The following EPB41L4B variants were observed in gnomAD, a reference collection of about 807,000 sequenced individuals.
EPB41L4B encodes band 4.1-like protein 4B.
Under a neutral mutation model 112.5 loss-of-function variants are expected in EPB41L4B, and 30 were observed. The observed-to-expected ratio is 0.27, with a 90% CI of 0.20 to 0.36. The LOEUF is 0.36. EPB41L4B is among the 10% of genes least tolerant of loss of function. EPB41L4B has a pLI of 1.00. For synonymous variants in EPB41L4B, 408 were observed against 439.7 expected (o/e 0.93, Z 0.90); for missense variants, 1,024 against 1,133.3 (o/e 0.90, Z 1.38).
chr9:109,211,682 C>T (rs1564268488), intron 17 of EPB41L4B, among the ~76,000 whole-genome samples: 1 of 149,704 alleles, frequency 6.7e-6, no homozygotes, highest in Admixed American at 6.7e-5. Flanking sequence ...ATAATCACAT[C>T]ACTCTAGCTT....
In EPB41L4B at chr9:109,218,126, CTTTTTTTTTTT is replaced by C. The variant is rs10654240; in HGVS notation, c.1410-992_1410-982del. 4.7e-5 allele frequency among the ~76,000 whole-genome samples: 5 copies of C among 106,556 alleles called. No homozygotes were observed. The South Asian group carries it at 1.6e-3, about 34-fold the overall frequency. 69.9% of individuals were successfully genotyped at this position (106,556 alleles called of 152,430 possible). A position where few individuals can be genotyped will look rare whatever the true frequency, so the allele number is the denominator to read the frequency against. ...GAATATATCTCTAATACTAATAATTCTTTTTTTTTTTTTTTTTTTGGCAGTGTCTCACTCTG... is the reference window on the plus strand; with the variant it reads ...GAATATATCTCTAATACTAATAATTCTTTTTTTTGGCAGTGTCTCACTCTG... On this transcript the variant is annotated intron_variant, in intron 15 of 25. Transcript: ENST00000374566.
intron 15 of EPB41L4B, among the ~76,000 whole-genome samples, chr9:109,231,091 G>A (rs1401294684): frequency 6.6e-6 from 1 of 151,658 alleles, no homozygotes; most frequent in South Asian, 2.1e-4. Flanking sequence ...TCTGGGAGGT[G>A]GAGGTTGCAG....
At chr9:109,248,302 C>T (rs756530321) in intron 13 of EPB41L4B, among the ~76,000 whole-genome samples, 68 of 152,204 alleles carry the variant, frequency 4.5e-4, no homozygotes, top group Non-Finnish European at 8.5e-4. Context: ...AATAATCTGG[C>T]CACCACTTTG....
intron 2 of EPB41L4B, among the ~76,000 whole-genome samples, chr9:109,270,709 T>C (rs1835578544): frequency 6.6e-6 from 1 of 152,232 alleles, no homozygotes; most frequent in African/African-American, 2.4e-5. Context: ...CTTTCTTTAG[T>C]CTTCTCACCA....
chr9:109,256,097 A>T, intron 9 of EPB41L4B, 39 bp downstream of exon 9: 3 of 1,555,970 alleles, frequency 1.9e-6, no homozygotes, highest in Middle Eastern at 1.7e-4. Context: ...ACCACAAAAT[A>T]GGAAAAGACA....
rs147036056 is a variant in EPB41L4B at position 109,273,747 on chromosome 9, G to A, written c.412-5314C>T. 1.8e-3 allele frequency among the ~76,000 whole-genome samples: 279 copies of A among 152,214 alleles called. 4 individuals carry two copies. The highest frequency in any genetic ancestry group is 6.2e-3 in the African/African-American group (257 of 41,512). ...TGAACAGAACTAACCCCTAAGCACTGTCTATGGAAACTGCACTGAACCCAA... is the reference window on the plus strand; with the variant it reads ...TGAACAGAACTAACCCCTAAGCACTATCTATGGAAACTGCACTGAACCCAA... On this transcript the variant is annotated intron_variant, in intron 2 of 25. Coordinates refer to ENST00000374566, the MANE Select transcript of EPB41L4B (RefSeq NM_019114.5).
chr9:109,181,221 C>T (rs538281551), intron 24 of EPB41L4B, among the ~76,000 whole-genome samples: 5 of 152,028 alleles, frequency 3.3e-5, no homozygotes, highest in African/African-American at 9.7e-5. Flanking sequence ...AGGTTGATCT[C>T]GAACTTCTGG....
At chr9:109,279,477 A>C (rs976975965) in intron 2 of EPB41L4B, among the ~76,000 whole-genome samples, 4 of 152,178 alleles carry the variant, frequency 2.6e-5, no homozygotes, top group Admixed American at 2.6e-4. Context: ...TCAGCCTCCC[A>C]AAGTGCTGGG....
chr9:109,271,226 T>G (rs1835604496), intron 2 of EPB41L4B, among the ~76,000 whole-genome samples: 1 of 152,204 alleles, frequency 6.6e-6, no homozygotes, highest in African/African-American at 2.4e-5. Flanking sequence ...CCTTCAGCCA[T>G]TGTGGGCTGG....
In EPB41L4B at chr9:109,258,161, G is replaced by A. The variant is rs200166237; in HGVS notation, c.752+16C>T. 3.2e-5 allele frequency: 51 copies of A among 1,607,078 alleles called. No homozygotes were observed. The highest frequency in any genetic ancestry group is 3.3e-4 in the Middle Eastern group (2 of 5,980). On this transcript the variant is annotated intron_variant, in intron 7 of 25. Coordinates refer to ENST00000374566, the MANE Select transcript of EPB41L4B (RefSeq NM_019114.5). ...AAATAGATACATCAGAATGCTAGAC[G>A]GTTGCATCAAGGTACCTGCACTCTT...
chr9:109,191,487 T>C (rs534729656), intron 22 of EPB41L4B, among the ~76,000 whole-genome samples: 1 of 152,174 alleles, frequency 6.6e-6, no homozygotes, highest in South Asian at 2.1e-4. Context: ...GAGCTTCCTA[T>C]TACTGAAGGG....
intron 14 of EPB41L4B, among the ~76,000 whole-genome samples, chr9:109,245,066 A>G (rs532420661): frequency 9.2e-5 from 14 of 152,346 alleles, no homozygotes; most frequent in African/African-American, 3.4e-4. Context: ...AGGAATCTGG[A>G]GAAAATACCT....
chr9:109,203,775 C>A (rs927229714), intron 18 of EPB41L4B, 45 bp from the exon 19 acceptor site: 8 of 1,512,492 alleles, frequency 5.3e-6, no homozygotes, highest in Non-Finnish European at 7.3e-6. Flanking sequence ...AATATGTTGG[C>A]ATGCAAAAAA....
intron 1 of EPB41L4B, among the ~76,000 whole-genome samples, chr9:109,302,128 G>A (rs556598153): frequency 4.1e-4 from 63 of 152,300 alleles, no homozygotes; most frequent in African/African-American, 1.5e-3. Context: ...AAACCATAGA[G>A]TTCTCTGCAG....
chr9:109,177,265 C>T (rs1354137556), intron 24 of EPB41L4B, among the ~76,000 whole-genome samples: 1 of 152,112 alleles, frequency 6.6e-6, no homozygotes, highest in African/African-American at 2.4e-5. Context: ...GCAGCATCAG[C>T]ATTATCTTAA....
At chr9:109,221,573 G>A (rs549839628) in intron 15 of EPB41L4B, among the ~76,000 whole-genome samples, 7 of 152,206 alleles carry the variant, frequency 4.6e-5, no homozygotes, top group African/African-American at 1.7e-4. Context: ...GAAAAGATAG[G>A]GATACTAGCT....
At chr9:109,288,586 T>G (rs1419694751) in intron 1 of EPB41L4B, among the ~76,000 whole-genome samples, 1 of 151,424 alleles carries the variant, frequency 6.6e-6, no homozygotes, top group Non-Finnish European at 1.5e-5. Flanking sequence ...AGCTGGGCGT[T>G]GTGGCGGGCA....
chr9:109,239,554 C>T (rs946095196), intron 15 of EPB41L4B, among the ~76,000 whole-genome samples: 2 of 152,094 alleles, frequency 1.3e-5, no homozygotes, highest in Non-Finnish European at 2.9e-5. Context: ...AAAACACCAA[C>T]AGGTAATAGG....
At chr9:109,299,746 C>A (rs1418371964) in intron 1 of EPB41L4B, among the ~76,000 whole-genome samples, 1 of 149,318 alleles carries the variant, frequency 6.7e-6, no homozygotes, top group Non-Finnish European at 1.5e-5. Context: ...TCACCCCTCG[C>A]AAAGTTCCTT....
Sources: gnomAD v4.1 joint callset for allele counts (sites outside exome capture counted in the v4.1 genomes callset) on GRCh38, gnomAD v4.1.1 for gene constraint, MANE v1.5 for transcripts, NCBI Gene and HGNC (gene_info 2026-07-23, HGNC 2026-07-21) for gene names.